ACADS: variants seen among roughly 807,000 people sequenced by gnomAD.
ACADS encodes the protein short-chain specific acyl-CoA dehydrogenase, mitochondrial.
ACADS carries 28 observed loss-of-function variants against 46.8 expected under a neutral mutation model. The observed-to-expected ratio is 0.60, with a 90% confidence interval of 0.44 to 0.82. ACADS has a LOEUF of 0.82. Ranked by LOEUF, ACADS falls within the 40% of genes least tolerant of loss-of-function variation. ACADS has a pLI of 0.00. For missense variants in ACADS, 528 were observed against 578.0 expected (o/e 0.91, Z 0.89); for synonymous variants, 236 against 237.7 (o/e 0.99, Z 0.07).
At position 120,726,990 on chromosome 12, in the gene ACADS, C is replaced by G. The variant is rs752744502; in HGVS notation, c.47-36C>G. The G allele has an allele frequency of 4.3e-6, 7 of 1,612,778 alleles. No individual in the cohort carries two copies. In the South Asian group the frequency reaches 7.7e-5, roughly 18 times the overall value. ...CACTAGGATTCTTGGAGACCTCCTG[C>G]CTCCTCCTTCCACTCACTTCTGCCC... On this transcript the variant is annotated intron_variant, in intron 1 of 9. Coordinates refer to ENST00000242592, the MANE Select transcript of ACADS (RefSeq NM_000017.4).
chr12:120,733,215 AGAGAGGGAGAGGGAGACCGGGGGGAGAGG>A (rs1186135507), intron 2 of ACADS, among the ~76,000 whole-genome samples: 1 of 151,952 alleles, frequency 6.6e-6, no homozygotes, highest in African/African-American at 2.4e-5. Context: ...GACCGTGGAA[AGAGAGGGAGAGGGAGACCGGGGGGAGAGG>A]GAGAGGGAGA....
At chr12:120,738,106 C>T (rs779541598) in intron 5 of ACADS, 118 bp downstream of exon 5, 2 of 1,572,350 alleles carry the variant, frequency 1.3e-6, no homozygotes, top group Non-Finnish European at 1.7e-6. Flanking sequence ...GTGGGCTGTC[C>T]CTGTCCCTCC....
chr12:120,739,231 T>C (rs1466572677), intron 9 of ACADS, 35 bp downstream of exon 9: 1 of 1,612,970 alleles, frequency 6.2e-7, no homozygotes, highest in Non-Finnish European at 8.5e-7. Flanking sequence ...GGGGGCCAGC[T>C]GCCCCTTCTC....
intron 2 of ACADS, among the ~76,000 whole-genome samples, chr12:120,730,833 A>G (rs184442141): frequency 2.0e-5 from 3 of 152,286 alleles, no homozygotes; most frequent in Admixed American, 2.0e-4. Flanking sequence ...TTGGAGGGTG[A>G]GGCGGCTTGA....
chr12:120,732,155 C>T (rs1592936002), intron 2 of ACADS, among the ~76,000 whole-genome samples: 3 of 152,388 alleles, frequency 2.0e-5, no homozygotes, highest in Admixed American at 6.5e-5. Context: ...GTTGGGTACA[C>T]CTCCCAGACG....
At chr12:120,731,217 C>T (rs983087476) in intron 2 of ACADS, among the ~76,000 whole-genome samples, 8 of 152,178 alleles carry the variant, frequency 5.3e-5, no homozygotes, top group African/African-American at 1.7e-4. Flanking sequence ...CTCCTACCTC[C>T]GTCTCCCAAA....
chr12:120,737,792 T>C (rs1241165643), intron 4 of ACADS, 45 bp from the exon 5 acceptor site: 1 of 1,611,744 alleles, frequency 6.2e-7, no homozygotes, highest in East Asian at 2.2e-5. Context: ...GCCCTTAGGT[T>C]GTGTGGGGTG....
chr12:120,729,696 T>G (rs1883195418), intron 2 of ACADS, among the ~76,000 whole-genome samples: 1 of 152,206 alleles, frequency 6.6e-6, no homozygotes, highest in African/African-American at 2.4e-5. Flanking sequence ...ATTGCTTTTG[T>G]CCCCACTTTT....
chr12:120,736,917 T>TTTGGGC, intron 2 of ACADS, 69 bp from the exon 3 acceptor site: 10 of 1,507,910 alleles, frequency 6.6e-6, no homozygotes, highest in Admixed American at 2.0e-5. Context: ...GGCAGGAGGG[T>TTTGGGC]TTGGGCTTGG....
At chr12:120,738,728 G>A in intron 7 of ACADS, 58 bp downstream of exon 7, 4 of 1,609,318 alleles carry the variant, frequency 2.5e-6, no homozygotes, top group Non-Finnish European at 3.4e-6. Flanking sequence ...CGGAGAGTGT[G>A]GCCTCCTGAC....
chr12:120,739,552 G>T lies in ACADS; in HGVS notation c.*104G>T. 1.4e-6 allele frequency: 2 copies of T among 1,393,392 alleles called. No homozygotes were observed. The highest frequency in any genetic ancestry group is 2.0e-6 in the Non-Finnish European group (2 of 1,023,700). 86.3% of individuals were successfully genotyped at this position (1,393,392 alleles called of 1,614,324 possible). A position where few individuals can be genotyped will look rare whatever the true frequency, so the allele number is the denominator to read the frequency against. On this transcript the variant is annotated 3_prime_UTR_variant, in exon 10 of 10. Transcript: ENST00000242592. ...GGCGGCCCGGCGGGGGCTCCCTGGG[G>T]ACCCCAGATGGGCTCAGTGCTGCCA...
intron 3 of ACADS, 64 bp from the exon 4 acceptor site, chr12:120,737,292 G>T: frequency 6.4e-7 from 1 of 1,550,992 alleles, no homozygotes. Context: ...CTGAGGTGCA[G>T]CCCGCAGGTG....
chr12:120,739,328 G>A lies in ACADS; in HGVS notation c.1119G>A (p.Val373=). 3 of 1,613,076 alleles carry A rather than the reference G, an allele frequency of 1.9e-6. No homozygotes were observed. The highest frequency in any genetic ancestry group is 1.7e-6 in the Non-Finnish European group (2 of 1,179,940). The change falls in exon 10 of 10, where the codon GTG becomes GTA. Residue 373 remains valine (V), a synonymous_variant. Coordinates refer to ENST00000242592, the MANE Select transcript of ACADS (RefSeq NM_000017.4). ...AIQILGGMGY[V]TEMPAERHYR... is the part of the protein sequence containing the mutation. Reference sequence around the variant, plus strand: ...AGATCCTGGGCGGCATGGGCTACGTGACAGAGATGCCGGCAGAGCGGCACT... The same window carrying A: ...AGATCCTGGGCGGCATGGGCTACGTAACAGAGATGCCGGCAGAGCGGCACT...
At position 120,738,572 on chromosome 12, in the gene ACADS, G is replaced by T; in HGVS notation, c.835G>T (p.Ala279Ser). 6.2e-7 allele frequency: 1 copy of T among 1,612,342 alleles called. No individual in the cohort carries two copies. Reference protein sequence around the residue: ...DMGRIGIASQALGIAQTALDC... With the variant: ...DMGRIGIASQSLGIAQTALDC... Reference sequence around the variant, plus strand: ...GGGCCGCATCGGCATCGCCTCCCAGGCCCTGGGCATTGCCCAGACCGCCCT... The same window carrying T: ...GGGCCGCATCGGCATCGCCTCCCAGTCCCTGGGCATTGCCCAGACCGCCCT... The change falls in exon 7 of 10, where the codon GCC (alanine) becomes TCC (serine). Residue 279 changes from alanine (A) to serine (S), a missense_variant. Ala to Ser is a moderately conservative substitution (Grantham distance 99). Transcript: ENST00000242592.
In ACADS at chr12:120,739,324, A is replaced by C; in HGVS notation, c.1115A>C (p.Tyr372Ser). Reference protein sequence around the residue: ...QAIQILGGMGYVTEMPAERHY... With the variant: ...QAIQILGGMGSVTEMPAERHY... ...ATCCAGATCCTGGGCGGCATGGGCT[A>C]CGTGACAGAGATGCCGGCAGAGCGG... is the stretch of plus-strand genomic sequence containing the variant. Residue 372 changes from tyrosine to serine, a missense_variant, in exon 10 of 10, where the codon TAC becomes TCC. By Grantham distance (144) the Tyr-to-Ser change is moderately radical. Coordinates refer to ENST00000242592, the MANE Select transcript of ACADS (RefSeq NM_000017.4). 6.2e-7 allele frequency: 1 copy of C among 1,613,050 alleles called. No homozygotes were observed. The highest frequency in any genetic ancestry group is 8.5e-7 in the Non-Finnish European group (1 of 1,179,932).
At chr12:120,727,983 T>C (rs149511579) in intron 2 of ACADS, among the ~76,000 whole-genome samples, 54 of 152,320 alleles carry the variant, frequency 3.5e-4, no homozygotes, top group African/African-American at 1.1e-3. Context: ...ACTCTCGCTC[T>C]GTTGCCCAGG....
chr12:120,731,157 G>A (rs1455392505), intron 2 of ACADS, among the ~76,000 whole-genome samples: 1 of 152,050 alleles, frequency 6.6e-6, no homozygotes, highest in Non-Finnish European at 1.5e-5. Flanking sequence ...GGAGATGGGG[G>A]TCTCGCCATG....
chr12:120,733,186 C>T (rs565395497), intron 2 of ACADS, among the ~76,000 whole-genome samples: 30 of 152,068 alleles, frequency 2.0e-4, no homozygotes, highest in East Asian at 3.9e-4. Context: ...AGTCCAGCTT[C>T]GGCTCGGCAT....
In ACADS at chr12:120,739,729, A is replaced by T. The variant is rs1883599307; in HGVS notation, c.*281A>T. 2 of 514,848 alleles carry T rather than the reference A, an allele frequency of 3.9e-6. No individual in the cohort carries two copies. Among genetic ancestry groups the T allele is most frequent in the South Asian group, 4.3e-5 (2 of 46,348 alleles). 31.9% of individuals were successfully genotyped at this position (514,848 alleles called of 1,614,324 possible). A position where few individuals can be genotyped will look rare whatever the true frequency, so the allele number is the denominator to read the frequency against. ...GTTGTGGGGGGGCTGAGCGACACTC[A>T]GGGACACCTCAGTTGTCCTCCCGCG... is the stretch of plus-strand genomic sequence containing the variant. On this transcript the variant is annotated 3_prime_UTR_variant, in exon 10 of 10. Transcript: ENST00000242592.
Sources: allele counts gnomAD v4.1 joint callset (sites outside exome capture counted in the v4.1 genomes callset), GRCh38; gene constraint gnomAD v4.1.1; transcripts MANE v1.5; gene names NCBI Gene and HGNC (gene_info 2026-07-23, HGNC 2026-07-21).